The following ANO6 variants were observed in gnomAD, a reference collection of about 807,000 sequenced individuals.
ANO6 encodes the protein anoctamin 6.
A neutral mutation model predicts 117.5 loss-of-function variants in ANO6; 106 were observed. The observed-to-expected ratio is 0.90, with a 90% CI of 0.77 to 1.06. The LOEUF is 1.06. ANO6 is among the 50% of genes least tolerant of loss of function. ANO6 has a pLI of 0.00. For missense variants in ANO6, 955 were observed against 1,121.1 expected (o/e 0.85, Z 2.12); for synonymous variants, 367 against 385.1 (o/e 0.95, Z 0.55).
At chr12:45,224,349 A>T (rs1947449539) in intron 1 of ANO6, among the ~76,000 whole-genome samples, 1 of 152,190 alleles carries the variant, frequency 6.6e-6, no homozygotes, top group South Asian at 2.1e-4. Context: ...GGCCTTATTC[A>T]CGATGGCAAG....
downstream of ANO6, among the ~76,000 whole-genome samples, chr12:45,434,519 G>A (rs1943685582): frequency 6.6e-6 from 1 of 152,160 alleles, no homozygotes; most frequent in Non-Finnish European, 1.5e-5. Flanking sequence ...CACCATTGCA[G>A]GGCTCTAGCT....
intron 3 of ANO6, among the ~76,000 whole-genome samples, chr12:45,336,018 G>A (rs1404759951): frequency 6.6e-6 from 1 of 151,816 alleles, no homozygotes; most frequent in Non-Finnish European, 1.5e-5. Context: ...ATGACCTCTT[G>A]AACAAAACCA....
intron 1 of ANO6, among the ~76,000 whole-genome samples, chr12:45,229,098 G>A (rs1370681638): frequency 6.6e-6 from 1 of 152,102 alleles, no homozygotes; most frequent in Non-Finnish European, 1.5e-5. Flanking sequence ...TCAGGGTCCG[G>A]GATGAGAAGC....
intron 11 of ANO6, among the ~76,000 whole-genome samples, chr12:45,389,845 G>A (rs573544228): frequency 6.6e-6 from 1 of 152,336 alleles, no homozygotes; most frequent in African/African-American, 2.4e-5. Context: ...GCCTGGCACA[G>A]AGTTAAATAC....
chr12:45,427,023 A>C (rs1402562626), intron 19 of ANO6, among the ~76,000 whole-genome samples: 1 of 151,638 alleles, frequency 6.6e-6, no homozygotes, highest in Non-Finnish European at 1.5e-5. Flanking sequence ...TTCTCCTCCC[A>C]ACCCAGCCCA....
chr12:45,373,974 A>G (rs1941926043), intron 9 of ANO6, among the ~76,000 whole-genome samples: 1 of 152,128 alleles, frequency 6.6e-6, no homozygotes, highest in South Asian at 2.1e-4. Flanking sequence ...CAAGACTAAT[A>G]AAGAGAGAAG....
intron 9 of ANO6, among the ~76,000 whole-genome samples, chr12:45,372,666 G>C (rs1269902410): frequency 2.0e-5 from 3 of 151,950 alleles, no homozygotes; most frequent in South Asian, 2.1e-4. Flanking sequence ...AATGCTGAGA[G>C]ATTTTGTCAC....
intron 9 of ANO6, among the ~76,000 whole-genome samples, chr12:45,373,836 G>T (rs1244867618): frequency 6.6e-6 from 1 of 152,066 alleles, no homozygotes; most frequent in East Asian, 1.9e-4. Context: ...TCAAAAGCTA[G>T]CAGAAGGCAA....
chr12:45,351,061 A>G (rs1485855240), intron 7 of ANO6, among the ~76,000 whole-genome samples: 1 of 152,044 alleles, frequency 6.6e-6, no homozygotes, highest in Non-Finnish European at 1.5e-5. Flanking sequence ...GCCAGCCTCC[A>G]CCCTGAGTCA....
intron 9 of ANO6, among the ~76,000 whole-genome samples, chr12:45,372,086 C>T (rs1284968560): frequency 4.9e-5 from 7 of 142,496 alleles, no homozygotes; most frequent in South Asian, 2.1e-4. Flanking sequence ...GGAGCTGATG[C>T]GATCAACTGG....
intron 19 of ANO6, 71 bp downstream of exon 19, chr12:45,423,133 C>T (rs1943409845): frequency 9.1e-7 from 1 of 1,096,068 alleles, no homozygotes; most frequent in Non-Finnish European, 1.4e-6. Flanking sequence ...GTGTTGCCAA[C>T]TCCATACTTA....
chr12:45,219,824 G>A (rs1196740661), intron 1 of ANO6, among the ~76,000 whole-genome samples: 2 of 152,248 alleles, frequency 1.3e-5, no homozygotes, highest in Non-Finnish European at 2.9e-5. Flanking sequence ...TTTGCAATAG[G>A]CCACTTATTT....
chr12:45,306,878 C>T (rs1939688466), intron 2 of ANO6, among the ~76,000 whole-genome samples: 1 of 151,938 alleles, frequency 6.6e-6, no homozygotes, highest in African/African-American at 2.4e-5. Flanking sequence ...TAGGGAATAT[C>T]TCACTGAGAA....
intron 3 of ANO6, among the ~76,000 whole-genome samples, chr12:45,340,147 G>A (rs1047624603): frequency 5.3e-5 from 8 of 152,168 alleles, no homozygotes; most frequent in East Asian, 3.9e-4. Flanking sequence ...TCTAGGGTGC[G>A]TAGGGATAGA....
At chr12:45,353,608 A>C (rs1941338854) in intron 7 of ANO6, among the ~76,000 whole-genome samples, 1 of 152,170 alleles carries the variant, frequency 6.6e-6, no homozygotes, top group African/African-American at 2.4e-5. Context: ...TTGAGCATTC[A>C]GGCTATTAAA....
chr12:45,427,737 TAAAAA>T (rs755601586), intron 19 of ANO6, among the ~76,000 whole-genome samples: 1 of 126,476 alleles, frequency 7.9e-6, no homozygotes. Flanking sequence ...TAAGTTGGTT[TAAAAA>T]AAAAAAAAAA....
intron 1 of ANO6, 140 bp downstream of exon 1, chr12:45,216,531 C>G (rs942429095): frequency 1.0e-6 from 1 of 963,792 alleles, no homozygotes; most frequent in Non-Finnish European, 1.5e-6. Flanking sequence ...GGAGGAAGCC[C>G]GCTGTCCCCG....
At chr12:45,402,149 T>C in intron 13 of ANO6, 129 bp downstream of exon 13, 1 of 744,544 alleles carries the variant, frequency 1.3e-6, no homozygotes, top group Non-Finnish European at 2.2e-6. Context: ...AGTGTAAACA[T>C]ATTTTCTCTA....
intron 1 of ANO6, among the ~76,000 whole-genome samples, chr12:45,282,919 G>A (rs753316133): frequency 1.2e-4 from 18 of 152,052 alleles, no homozygotes; most frequent in Non-Finnish European, 2.2e-4. Flanking sequence ...GCTATTGCTC[G>A]CTCTCTCATA....
Sources: allele counts gnomAD v4.1 joint callset (sites outside exome capture counted in the v4.1 genomes callset), GRCh38; gene constraint gnomAD v4.1.1; transcripts MANE v1.5; gene names NCBI Gene and HGNC (gene_info 2026-07-23, HGNC 2026-07-21).